The following NSMCE4A variants were observed in gnomAD, a reference collection of about 807,000 sequenced individuals.
The protein encoded by NSMCE4A is non-structural maintenance of chromosomes element 4 homolog A.
NSMCE4A carries 40 observed loss-of-function variants against 47.9 expected under a neutral mutation model. The ratio of observed to expected loss-of-function variants is 0.83; its 90% CI spans 0.65 to 1.09. The LOEUF is 1.09. NSMCE4A is among the 50% of genes least tolerant of loss of function. The pLI is 0.00. For missense variants in NSMCE4A, 500 were observed against 507.0 expected, an observed-to-expected ratio of 0.99 and a Z score of 0.13; for synonymous variants, 166 against 178.5, an observed-to-expected ratio of 0.93 and a Z score of 0.56.
chr10:121,971,683 C>T (rs1952716371), intron 2 of NSMCE4A, among the ~76,000 whole-genome samples: 1 of 152,206 alleles, frequency 6.6e-6, no homozygotes, highest in Non-Finnish European at 1.5e-5. Flanking sequence ...CTAATACTCA[C>T]TTTTCCCTCC....
intron 4 of NSMCE4A, chr10:121,967,442 C>G: frequency 1.9e-6 from 1 of 520,880 alleles, no homozygotes; most frequent in East Asian, 3.4e-5. Flanking sequence ...AGATGATCTA[C>G]CTGCATCCAC....
chr10:121,974,887 G>C lies in NSMCE4A; in HGVS notation c.279C>G (p.Ile93Met). 1.3e-6 allele frequency: 2 copies of C among 1,505,064 alleles called. No individual in the cohort carries two copies. 93.2% of individuals were successfully genotyped at this position (1,505,064 alleles called of 1,614,324 possible). ...RQIRHQYRAL[I>M]NSVQQNREDI... ...GCGCCGCCTTACGTTGGACGGAGTT[G>C]ATGAGCGCCCGGTACTGATGGCGGA... is the stretch of plus-strand genomic sequence containing the variant. The change falls in exon 1 of 11, where the codon ATC (isoleucine) becomes ATG (methionine). Residue 93 changes from isoleucine to methionine, a missense_variant. Transcript: ENST00000369023.
Position 121,974,705 on chromosome 10 carries a change from C to CT in NSMCE4A, c.292+168dup, listed in dbSNP as rs1428737559. The CT allele has an allele frequency of 2.7e-6, 3 of 1,125,636 alleles. No individual in the cohort carries two copies. The African/African-American group carries it at 4.9e-5, about 18-fold the overall frequency. 69.7% of individuals were successfully genotyped at this position (1,125,636 alleles called of 1,614,324 possible). On this transcript the variant is annotated intron_variant, in intron 1 of 10. Coordinates refer to ENST00000369023, the MANE Select transcript of NSMCE4A (RefSeq NM_017615.3). ...CGGCTCCAGCCACAAAGTGGGAGCA[C>CT]TTTGTCAACAATTTAAGGTGCGGCG...
intron 3 of NSMCE4A, among the ~76,000 whole-genome samples, chr10:121,969,245 G>A (rs942685264): frequency 2.6e-5 from 4 of 152,256 alleles, no homozygotes; most frequent in Admixed American, 2.0e-4. Flanking sequence ...TGAGGCAGGA[G>A]AATCGCTTGA....
Position 121,959,310 on chromosome 10 carries a change from A to G in NSMCE4A, c.*12+14T>C. ...TTTAATAGAACTGTGTAGCCATCCC[A>G]TTGAAAAGGTTACCTTCAGCTAGCA... On this transcript the variant is annotated intron_variant, in intron 10 of 10. Coordinates refer to ENST00000369023, the MANE Select transcript of NSMCE4A (RefSeq NM_017615.3). The G allele has an allele frequency of 6.2e-7, 1 of 1,602,814 alleles. No homozygotes were observed. The highest frequency in any genetic ancestry group is 8.5e-7 in the Non-Finnish European group (1 of 1,169,786).
In NSMCE4A at chr10:121,975,150, T is replaced by C. The variant is rs1952794605; in HGVS notation, c.16A>G (p.Ser6Gly). ...CCCCGGCCCTCTGGCCCGCGGCCGC[T>C]GCTGTCCCCAGACATAGCGCCAATT... Reference protein sequence around the residue: MSGDSSGRGPEGRGRG... With the variant: MSGDSGGRGPEGRGRG... The change falls in exon 1 of 11, where the codon AGC becomes GGC. Residue 6 changes from serine (S) to glycine (G), a missense_variant. Ser to Gly is a moderately conservative substitution (Grantham distance 56). Transcript: ENST00000369023. 7.1e-7 allele frequency: 1 copy of C among 1,403,104 alleles called. No homozygotes were observed. Among genetic ancestry groups the C allele is most frequent in the African/African-American group, 1.5e-5 (1 of 65,544 alleles). 86.9% of individuals were successfully genotyped at this position (1,403,104 alleles called of 1,614,324 possible). A position where few individuals can be genotyped will look rare whatever the true frequency, so the allele number is the denominator to read the frequency against.
In NSMCE4A at chr10:121,965,331, T is replaced by G; in HGVS notation, c.708A>C (p.Pro236=). 6.2e-7 allele frequency: 1 copy of G among 1,614,128 alleles called. No homozygotes were observed. The highest frequency in any genetic ancestry group is 8.5e-7 in the Non-Finnish European group (1 of 1,179,976). ...CCTCTTGTATCACAGGAACTTTTCTTGGACGATCAACTCGTGGCTTTGGCA... is the reference window on the plus strand; with the variant it reads ...CCTCTTGTATCACAGGAACTTTTCTGGGACGATCAACTCGTGGCTTTGGCA... ...CPVPKPRVDR[P]RKVPVIQEER... Residue 236 remains proline, a synonymous_variant, in exon 5 of 11, where the codon CCA becomes CCC. Coordinates refer to ENST00000369023, the MANE Select transcript of NSMCE4A (RefSeq NM_017615.3).
intron 3 of NSMCE4A, among the ~76,000 whole-genome samples, chr10:121,969,432 G>A (rs772503672): frequency 6.7e-6 from 1 of 149,722 alleles, no homozygotes; most frequent in Non-Finnish European, 1.5e-5. Flanking sequence ...CCAATACATG[G>A]TTACTTTATT....
Position 121,959,500 on chromosome 10 carries a change from C to A in NSMCE4A, c.1083+1G>T, listed in dbSNP as rs1564989709. The A allele has an allele frequency of 6.2e-7, 1 of 1,613,656 alleles. No homozygotes were observed. The highest frequency in any genetic ancestry group is 1.7e-4 in the Middle Eastern group (1 of 6,058). On this transcript the variant is annotated splice_donor_variant, in intron 9 of 10. Transcript: ENST00000369023. LOFTEE classifies it high-confidence loss of function. ...TGCAGGGGCAACAGGCAGAGCTTTA[C>A]CTCCCAGTCACGGTAACTCAAAGCT...
In NSMCE4A at chr10:121,974,062, C is replaced by T. The variant is rs1952768970; in HGVS notation, c.312G>A (p.Leu104=). 1 of 1,605,642 alleles carries T rather than the reference C, an allele frequency of 6.2e-7. No homozygotes were observed. The highest frequency in any genetic ancestry group is 8.5e-7 in the Non-Finnish European group (1 of 1,174,858). Residue 104 remains leucine, a synonymous_variant, in exon 2 of 11, where the codon CTG becomes CTA. Coordinates refer to ENST00000369023, the MANE Select transcript of NSMCE4A (RefSeq NM_017615.3). ...NSVQQNREDI[L]NAGDKLTEVL... ...CCTCTGTTAATTTGTCACCGGCATT[C>T]AGTATGTCCTCACGGTTTTCTATTT... is the stretch of plus-strand genomic sequence containing the variant.
chr10:121,973,255 A>T (rs1952751609), intron 2 of NSMCE4A, among the ~76,000 whole-genome samples: 2 of 138,654 alleles, frequency 1.4e-5, no homozygotes, highest in South Asian at 4.4e-4. Flanking sequence ...AAAAAAAAAA[A>T]GGATATATTT....
intron 1 of NSMCE4A, 64 bp from the exon 2 acceptor site, chr10:121,974,145 G>A: frequency 7.1e-7 from 1 of 1,401,622 alleles, no homozygotes; most frequent in African/African-American, 1.4e-5. Context: ...AGTTGACAAG[G>A]TTATCACCTG....
intron 5 of NSMCE4A, 97 bp downstream of exon 5, chr10:121,965,189 C>A (rs758675870): frequency 3.8e-6 from 3 of 784,214 alleles, no homozygotes; most frequent in African/African-American, 1.8e-5. Flanking sequence ...GCTCCAGACC[C>A]GCACACTTAG....
intron 2 of NSMCE4A, among the ~76,000 whole-genome samples, chr10:121,972,003 C>T (rs1564999579): frequency 6.6e-6 from 1 of 152,050 alleles, no homozygotes; most frequent in Non-Finnish European, 1.5e-5. Flanking sequence ...TTAAGAAAAG[C>T]TATGGAAAAA....
chr10:121,975,097 G>A lies in NSMCE4A; in HGVS notation c.69C>T (p.Arg23=), dbSNP rs1421103786. 9 of 1,439,918 alleles carry A rather than the reference G, an allele frequency of 6.3e-6. No individual in the cohort carries two copies. In the South Asian group the frequency reaches 8.5e-5, roughly 14 times the overall value. 89.2% of individuals were successfully genotyped at this position (1,439,918 alleles called of 1,614,324 possible). A position where few individuals can be genotyped will look rare whatever the true frequency, so the allele number is the denominator to read the frequency against. The change falls in exon 1 of 11, where the codon CGC becomes CGT. Residue 23 remains arginine (R), a synonymous_variant. Coordinates refer to ENST00000369023, the MANE Select transcript of NSMCE4A (RefSeq NM_017615.3). ...ACCGCGAGCGGGAGCGGGAGCGGGT[G>A]CGATCCCGATGCGGGTCGCGGCCCC... ...RGRGRDPHRD[R]TRSRSRSRSP... is the part of the protein sequence containing the mutation.
At chr10:121,966,849 G>C (rs1189917846) in intron 4 of NSMCE4A, 1 of 152,198 alleles carries the variant, frequency 6.6e-6, no homozygotes, top group Non-Finnish European at 1.5e-5. Flanking sequence ...AGTTAAGACA[G>C]AAGCCAACTT....
intron 10 of NSMCE4A, among the ~76,000 whole-genome samples, chr10:121,958,026 A>C (rs1259666692): frequency 6.6e-6 from 1 of 151,936 alleles, no homozygotes; most frequent in Non-Finnish European, 1.5e-5. Context: ...TCAGGAGTTC[A>C]AGACCAGCCT....
At chr10:121,971,274 G>C (rs1444646133) in intron 2 of NSMCE4A, among the ~76,000 whole-genome samples, 2 of 152,078 alleles carry the variant, frequency 1.3e-5, no homozygotes, top group Non-Finnish European at 2.9e-5. Flanking sequence ...ACTTTGGGAG[G>C]CCAAGGCGGG....
intron 6 of NSMCE4A, among the ~76,000 whole-genome samples, chr10:121,962,903 T>A (rs1445423520): frequency 1.3e-5 from 2 of 152,138 alleles, no homozygotes; most frequent in African/African-American, 4.8e-5. Flanking sequence ...CAAAACAAAC[T>A]ATTTAGGTAG....
Sources: gnomAD v4.1 joint callset for allele counts (sites outside exome capture counted in the v4.1 genomes callset) on GRCh38, gnomAD v4.1.1 for gene constraint, MANE v1.5 for transcripts, NCBI Gene and HGNC (gene_info 2026-07-23, HGNC 2026-07-21) for gene names.